The following PLEKHA6 variants were observed in gnomAD, a reference collection of about 807,000 sequenced individuals.
The protein encoded by PLEKHA6 is pleckstrin homology domain-containing family A member 6.
Under a neutral mutation model 116.7 loss-of-function variants are expected in PLEKHA6, and 60 were observed. The ratio of observed to expected loss-of-function variants is 0.51; its 90% confidence interval spans 0.42 to 0.64. The LOEUF is 0.64. PLEKHA6 is among the 30% of genes least tolerant of loss of function. PLEKHA6 has a pLI of 0.00. For synonymous variants in PLEKHA6, 489 were observed against 556.1 expected (o/e 0.88, Z 1.70); for missense variants, 1,338 against 1,422.7 (o/e 0.94, Z 0.96).
At chr1:204,287,175 C>T (rs1241379614) in intron 1 of PLEKHA6, among the ~76,000 whole-genome samples, 1 of 152,038 alleles carries the variant, frequency 6.6e-6, no homozygotes, top group Non-Finnish European at 1.5e-5. Context: ...CAAAAGGGCT[C>T]CTAGCTGGGG....
chr1:204,241,588 C>T, intron 16 of PLEKHA6, 97 bp downstream of exon 16: 2 of 1,444,592 alleles, frequency 1.4e-6, no homozygotes, highest in Non-Finnish European at 1.9e-6. Context: ...TTAAAAAGCC[C>T]AGGGTGTGGC....
rs929427849 is a variant in PLEKHA6, at chr1:204,230,736, C to A, written c.2410-150G>T. On this transcript the variant is annotated intron_variant, in intron 17 of 22. Transcript: ENST00000272203. The stretch of plus-strand genomic sequence containing the variant: ...AAAAGATATGTCCAAGTCCCAACCC[C>A]AGGTATCTGAGAGTGTAACCTTATT... 6.3e-6 allele frequency: 4 copies of A among 634,238 alleles called. No homozygotes were observed. The African/African-American group carries it at 7.6e-5, about 12-fold the overall frequency. The allele number at this position is 634,238 out of a possible 1,614,324, so 39.3% of individuals were successfully genotyped here.
intron 1 of PLEKHA6, among the ~76,000 whole-genome samples, chr1:204,278,827 A>G (rs1013935137): frequency 6.6e-6 from 1 of 152,146 alleles, no homozygotes; most frequent in African/African-American, 2.4e-5. Context: ...CTGCCCATAC[A>G]TAACAGGTGC....
At chr1:204,250,443 CAGCCCCCGCAGAGG>C in intron 10 of PLEKHA6, 89 bp downstream of exon 10, 3 of 787,266 alleles carry the variant, frequency 3.8e-6, no homozygotes. Context: ...GATGGAGAGA[CAGCCCCCGCAGAGG>C]AAGAGAGATG....
intron 1 of PLEKHA6, among the ~76,000 whole-genome samples, chr1:204,336,369 G>T (rs564929636): frequency 2.0e-5 from 3 of 152,308 alleles, no homozygotes; most frequent in African/African-American, 7.2e-5. Flanking sequence ...CAGGATGGAG[G>T]CTTGAAATGC....
chr1:204,324,139 G>A (rs1400444965), intron 1 of PLEKHA6, among the ~76,000 whole-genome samples: 1 of 152,084 alleles, frequency 6.6e-6, no homozygotes, highest in African/African-American at 2.4e-5. Context: ...CAGCCAGTAG[G>A]GATGTGTTTC....
intron 1 of PLEKHA6, chr1:204,313,649 C>T (rs866306310): frequency 1.0e-6 from 1 of 984,840 alleles, no homozygotes. Context: ...TGATTCTCCA[C>T]CTCCATGCCC....
chr1:204,284,637 C>A (rs190025750), intron 1 of PLEKHA6, among the ~76,000 whole-genome samples: 1 of 151,772 alleles, frequency 6.6e-6, no homozygotes, highest in African/African-American at 2.4e-5. Context: ...GCTCCCCTGA[C>A]GCCCCCGAGA....
chr1:204,252,963 C>T (rs1021923585), intron 9 of PLEKHA6, among the ~76,000 whole-genome samples: 1 of 152,182 alleles, frequency 6.6e-6, no homozygotes, highest in African/African-American at 2.4e-5. Context: ...TGGCCTGCTC[C>T]CGCCTGTGCT....
chr1:204,321,424 C>A (rs1672057163), intron 1 of PLEKHA6, among the ~76,000 whole-genome samples: 1 of 151,708 alleles, frequency 6.6e-6, no homozygotes, highest in South Asian at 2.1e-4. Context: ...GCTGGCCCAC[C>A]TTCCAGCCTC....
intron 1 of PLEKHA6, among the ~76,000 whole-genome samples, chr1:204,308,141 T>C (rs1340482919): frequency 6.6e-6 from 1 of 152,146 alleles, no homozygotes; most frequent in Non-Finnish European, 1.5e-5. Context: ...GTAGCAATTG[T>C]AACAAATGCC....
At chr1:204,361,352 C>T (rs1024572814), upstream of PLEKHA6, among the ~76,000 whole-genome samples, 1 of 152,206 alleles carries the variant, frequency 6.6e-6, no homozygotes, top group South Asian at 2.1e-4. Flanking sequence ...GGAACAGGAG[C>T]ACAGACTTCC....
intron 7 of PLEKHA6, among the ~76,000 whole-genome samples, chr1:204,260,637 T>TAG (rs1665982289): frequency 6.6e-6 from 1 of 152,198 alleles, no homozygotes; most frequent in Non-Finnish European, 1.5e-5. Flanking sequence ...TTGGTAAACA[T>TAG]TTCTAAGATA....
chr1:204,313,744 T>C (rs1039213550), intron 1 of PLEKHA6: 43 of 980,658 alleles, frequency 4.4e-5, no homozygotes, highest in African/African-American at 1.8e-4. Flanking sequence ...CTGGGAGACA[T>C]GGTCATTAGC....
At chr1:204,243,545 C>G (rs1663157956) in intron 15 of PLEKHA6, among the ~76,000 whole-genome samples, 1 of 152,170 alleles carries the variant, frequency 6.6e-6, no homozygotes, top group African/African-American at 2.4e-5. Context: ...GCCCCCATGC[C>G]AGGCAGCTCC....
chr1:204,243,915 G>A (rs1663220389), intron 15 of PLEKHA6, among the ~76,000 whole-genome samples: 1 of 152,102 alleles, frequency 6.6e-6, no homozygotes, highest in Admixed American at 6.5e-5. Flanking sequence ...CCGCCTCATG[G>A]GTTCACGCCA....
At chr1:204,231,100 A>G in intron 17 of PLEKHA6, among the ~76,000 whole-genome samples, 1 of 152,222 alleles carries the variant, frequency 6.6e-6, no homozygotes, top group East Asian at 1.9e-4. Flanking sequence ...CAGTCCTAGG[A>G]AACTAACACA....
chr1:204,351,067 G>T (rs953087799), intron 1 of PLEKHA6, among the ~76,000 whole-genome samples: 2 of 152,150 alleles, frequency 1.3e-5, no homozygotes, highest in African/African-American at 4.8e-5. Context: ...ACCCAGCTGG[G>T]AGGCCGCCAG....
intron 1 of PLEKHA6, among the ~76,000 whole-genome samples, chr1:204,299,282 A>T (rs548758617): frequency 6.6e-6 from 1 of 152,352 alleles, no homozygotes; most frequent in East Asian, 1.9e-4. Flanking sequence ...AGCACTGGGA[A>T]TTTTGTCTAA....
Sources: allele counts gnomAD v4.1 joint callset (sites outside exome capture counted in the v4.1 genomes callset), GRCh38; gene constraint gnomAD v4.1.1; transcripts MANE v1.5; gene names NCBI Gene and HGNC (gene_info 2026-07-23, HGNC 2026-07-21).